The following CDH13 variants were observed in gnomAD, a reference collection of about 807,000 sequenced individuals.
The protein encoded by CDH13 is cadherin-13.
A neutral mutation model predicts 63.8 loss-of-function variants in CDH13; 24 were observed. The ratio of observed to expected loss-of-function variants is 0.38; its 90% confidence interval spans 0.27 to 0.53. The LOEUF (loss-of-function observed/expected upper bound fraction) is 0.53, where lower values mean the gene tolerates loss of function less well. CDH13 is among the 20% of genes least tolerant of loss of function. The pLI is 0.85. For missense variants in CDH13, 1,049 were observed against 903.1 expected, an observed-to-expected ratio of 1.16 and a Z score of -2.07; for synonymous variants, 503 against 355.3, an observed-to-expected ratio of 1.42 and a Z score of -4.67.
chr16:83,664,273 T>A (rs1362258005), intron 8 of CDH13, among the ~76,000 whole-genome samples: 1 of 152,166 alleles, frequency 6.6e-6, no homozygotes, highest in African/African-American at 2.4e-5. Context: ...GACTATGCCT[T>A]TTCTACTGTG....
At chr16:82,728,976 G>C (rs1209338328) in intron 1 of CDH13, among the ~76,000 whole-genome samples, 1 of 152,076 alleles carries the variant, frequency 6.6e-6, no homozygotes, top group Non-Finnish European at 1.5e-5. Flanking sequence ...CACTTTCTTG[G>C]CTCATCTATA....
intron 4 of CDH13, among the ~76,000 whole-genome samples, chr16:83,181,669 G>C (rs1317975071): frequency 6.6e-6 from 1 of 152,174 alleles, no homozygotes; most frequent in East Asian, 1.9e-4. Flanking sequence ...GGATGACTTG[G>C]AGCCAGGAAG....
At chr16:82,738,229 A>C (rs928227318) in intron 1 of CDH13, among the ~76,000 whole-genome samples, 1 of 152,250 alleles carries the variant, frequency 6.6e-6, no homozygotes, top group Admixed American at 6.5e-5. Context: ...GCAATAAAAA[A>C]AATCAGTCAC....
chr16:83,610,053 C>T (rs920534523), intron 8 of CDH13, among the ~76,000 whole-genome samples: 1 of 152,164 alleles, frequency 6.6e-6, no homozygotes, highest in African/African-American at 2.4e-5. Context: ...CTTAGTACTT[C>T]ATTTCTTTGT....
intron 3 of CDH13, among the ~76,000 whole-genome samples, chr16:83,068,786 G>A (rs2032222256): frequency 6.6e-6 from 1 of 152,216 alleles, no homozygotes; most frequent in Non-Finnish European, 1.5e-5. Context: ...TTCATGGAGT[G>A]CAAGGGCTGT....
chr16:83,113,486 T>A (rs2035159032), intron 3 of CDH13, among the ~76,000 whole-genome samples: 1 of 152,258 alleles, frequency 6.6e-6, no homozygotes, highest in Non-Finnish European at 1.5e-5. Context: ...TGTCTTGTGC[T>A]AGGCACCAGG....
chr16:83,438,837 A>T (rs1278467914), intron 6 of CDH13, among the ~76,000 whole-genome samples: 2 of 152,240 alleles, frequency 1.3e-5, no homozygotes, highest in East Asian at 1.9e-4. Flanking sequence ...ACATTGAAAG[A>T]ACAGAACAAT....
chr16:83,478,664 C>T (rs747208479), intron 6 of CDH13, among the ~76,000 whole-genome samples: 7 of 152,006 alleles, frequency 4.6e-5, no homozygotes, highest in Non-Finnish European at 8.8e-5. Flanking sequence ...AGCCTGCTTC[C>T]TTCTTCTCTT....
intron 2 of CDH13, among the ~76,000 whole-genome samples, chr16:82,889,772 C>A (rs1044684501): frequency 6.6e-6 from 1 of 152,158 alleles, no homozygotes; most frequent in African/African-American, 2.4e-5. Context: ...AAAATAGTTC[C>A]ATTTGAAAGT....
intron 6 of CDH13, among the ~76,000 whole-genome samples, chr16:83,433,003 CA>C (rs1324051343): frequency 6.6e-6 from 1 of 152,174 alleles, no homozygotes; most frequent in Non-Finnish European, 1.5e-5. Context: ...CATGCTGTTG[CA>C]GGAGGTCTCC....
At chr16:83,720,292 C>G (rs1000548152) in intron 10 of CDH13, among the ~76,000 whole-genome samples, 3 of 150,792 alleles carry the variant, frequency 2.0e-5, no homozygotes, top group African/African-American at 7.3e-5. Flanking sequence ...CATGCAAGTA[C>G]TCATACATGC....
chr16:83,368,359 G>A (rs2151393390), intron 6 of CDH13, among the ~76,000 whole-genome samples: 1 of 152,220 alleles, frequency 6.6e-6, no homozygotes, highest in South Asian at 2.1e-4. Context: ...TCTAACGTGT[G>A]AACTAATTAT....
intron 3 of CDH13, among the ~76,000 whole-genome samples, chr16:83,043,569 G>C (rs1047476127): frequency 6.6e-6 from 1 of 150,868 alleles, no homozygotes; most frequent in Admixed American, 6.6e-5. Context: ...ATTTCAACAA[G>C]TAATCAAGGC....
rs553270572 is a variant in CDH13 at position 82,788,208 on chromosome 16, C to G, written c.46-70154C>G. ...GGAAAAAAACAAAGTGAGGATGGTCCTCTGCACAGGCGTTGTATATTTTGT... is the reference window on the plus strand; with the variant it reads ...GGAAAAAAACAAAGTGAGGATGGTCGTCTGCACAGGCGTTGTATATTTTGT... On this transcript the variant is annotated intron_variant, in intron 1 of 13. Coordinates refer to ENST00000567109, the MANE Select transcript of CDH13 (RefSeq NM_001257.5). Among the ~76,000 whole-genome samples the G allele has an allele frequency of 3.3e-5, 5 of 152,264 alleles. No individual in the cohort carries two copies. The South Asian group carries it at 6.2e-4, about 19-fold the overall frequency.
At chr16:82,845,181 AG>A (rs1387108072) in intron 1 of CDH13, among the ~76,000 whole-genome samples, 5 of 152,162 alleles carry the variant, frequency 3.3e-5, no homozygotes, top group African/African-American at 1.2e-4. Flanking sequence ...TGCTGTAGAC[AG>A]CCAGGGGCCA....
intron 2 of CDH13, among the ~76,000 whole-genome samples, chr16:82,931,377 G>T (rs1220276775): frequency 6.6e-6 from 1 of 152,194 alleles, no homozygotes; most frequent in East Asian, 1.9e-4. Flanking sequence ...ATGCACATCT[G>T]TTCCAGAAAG....
In CDH13 at chr16:82,885,042, A is replaced by G. The variant is rs2040834453; in HGVS notation, c.157+26569A>G. On this transcript the variant is annotated intron_variant, in intron 2 of 13. Transcript: ENST00000567109. ...AGGCTACTTTGTGTTTTGGCTGTGT[A>G]TTCTAATTTTTCTTCCGGTACTATA... Among the ~76,000 whole-genome samples, 2 of 152,144 alleles carry G rather than the reference A, an allele frequency of 1.3e-5. 1 individual carries two copies. The highest frequency in any genetic ancestry group is 4.1e-4 in the South Asian group (2 of 4,838).
chr16:83,199,287 TC>T (rs2038960290), intron 4 of CDH13, among the ~76,000 whole-genome samples: 1 of 152,246 alleles, frequency 6.6e-6, no homozygotes, highest in Admixed American at 6.5e-5. Flanking sequence ...GTCATCCTTT[TC>T]CTGAAGCCTG....
intron 4 of CDH13, among the ~76,000 whole-genome samples, chr16:83,175,639 A>C (rs2038090338): frequency 6.6e-6 from 1 of 151,470 alleles, no homozygotes. Flanking sequence ...TTCACTGAGG[A>C]AGGATACGAA....
Sources: gnomAD v4.1 joint callset for allele counts (sites outside exome capture counted in the v4.1 genomes callset) on GRCh38, gnomAD v4.1.1 for gene constraint, MANE v1.5 for transcripts, NCBI Gene and HGNC (gene_info 2026-07-23, HGNC 2026-07-21) for gene names.